VPS41: variants seen among roughly 807,000 people sequenced by gnomAD.
The protein encoded by VPS41 is VPS41 subunit of HOPS complex.
A neutral mutation model predicts 130.9 loss-of-function variants in VPS41; 85 were observed. That is an observed-to-expected ratio of 0.65 (90% confidence interval 0.55 to 0.78). The LOEUF (loss-of-function observed/expected upper bound fraction) is 0.78. Ranked by LOEUF, VPS41 falls within the 30% of genes least tolerant of loss-of-function variation. The pLI is 0.00. For missense variants in VPS41, 874 were observed against 1,018.7 expected, an observed-to-expected ratio of 0.86 and a Z score of 1.93; for synonymous variants, 335 against 332.9, an observed-to-expected ratio of 1.01 and a Z score of -0.07.
intron 4 of VPS41, chr7:38,831,451 T>G (rs1303943123): frequency 7.2e-6 from 2 of 279,516 alleles, no homozygotes. Context: ...ACATCATCAC[T>G]GCAGTAAGTT....
At chr7:38,886,334 A>T (rs1351017785) in intron 2 of VPS41, among the ~76,000 whole-genome samples, 2 of 152,202 alleles carry the variant, frequency 1.3e-5, no homozygotes, top group Non-Finnish European at 2.9e-5. Flanking sequence ...CAACCAGCAG[A>T]CCAGGAGATC....
intron 2 of VPS41, among the ~76,000 whole-genome samples, chr7:38,896,533 CTG>C (rs1786997440): frequency 6.6e-6 from 1 of 152,218 alleles, no homozygotes; most frequent in Non-Finnish European, 1.5e-5. Flanking sequence ...TCTTAAAACA[CTG>C]TTTGATTTTC....
Position 38,728,551 on chromosome 7 carries a change from G to A in VPS41, c.2395C>T (p.Leu799Phe), listed in dbSNP as rs774806564. ...NICESCLSPI[L>F]PSDAAKPFSV... ...GGGAAAACCTTCTTACCTGATGGAA[G>A]AATAGGGGAAAGGCACGACTCACAG... The change falls in exon 27 of 29, where the codon CTT becomes TTT. Residue 799 changes from leucine (L) to phenylalanine (F), a missense_variant. Leu to Phe is a conservative substitution (Grantham distance 22). Transcript: ENST00000310301. 6.2e-6 allele frequency: 10 copies of A among 1,614,014 alleles called. No homozygotes were observed. The East Asian group carries it at 1.8e-4, about 29-fold the overall frequency.
In VPS41 at chr7:38,742,013, AC is replaced by A; in HGVS notation, c.2230del (p.Val744LeufsTer22). 6.2e-7 allele frequency: 1 copy of A among 1,613,182 alleles called. No individual in the cohort carries two copies. The highest frequency in any genetic ancestry group is 8.5e-7 in the Non-Finnish European group (1 of 1,179,634). On this transcript the variant is annotated frameshift_variant, in exon 25 of 29. Transcript: ENST00000310301. LOFTEE classifies it high-confidence loss of function. ...CAAATTGTAGTCTTGCAGAATTTTA[AC>A]CAAGGAATCTCTCAAATTGGGGATC... ...MEIPNLRDSL[V>X]KILQDYNLQI... is the part of the protein sequence containing the mutation.
At chr7:38,768,254 T>C (rs1212941769) in intron 14 of VPS41, among the ~76,000 whole-genome samples, 1 of 152,194 alleles carries the variant, frequency 6.6e-6, no homozygotes, top group African/African-American at 2.4e-5. Flanking sequence ...AGCTCTTGCT[T>C]GATCTCCCCA....
chr7:38,771,975 T>G (rs1784161880), intron 13 of VPS41, among the ~76,000 whole-genome samples: 1 of 151,598 alleles, frequency 6.6e-6, no homozygotes, highest in Admixed American at 6.5e-5. Flanking sequence ...GTGGATGTTG[T>G]TTTAAATTAG....
chr7:38,747,685 T>C (rs1023370639), intron 22 of VPS41, among the ~76,000 whole-genome samples: 4 of 152,374 alleles, frequency 2.6e-5, no homozygotes, highest in South Asian at 4.1e-4. Context: ...TATGTGTCTA[T>C]TTAAGTTTAA....
chr7:38,816,916 T>C lies in VPS41; in HGVS notation c.450+901A>G, dbSNP rs536671607. 2.0e-5 allele frequency among the ~76,000 whole-genome samples: 3 copies of C among 152,196 alleles called. No homozygotes were observed. The South Asian group carries it at 6.2e-4, about 32-fold the overall frequency. On this transcript the variant is annotated intron_variant, in intron 7 of 28. Transcript: ENST00000310301. ...ATACCACCACACGCAGCTAATTTCT[T>C]CATTTTTTTGTAGAGTCGGTCTCAC...
At chr7:38,792,568 C>T (rs767036771) in intron 9 of VPS41, among the ~76,000 whole-genome samples, 5 of 152,206 alleles carry the variant, frequency 3.3e-5, no homozygotes, top group African/African-American at 4.8e-5. Flanking sequence ...AGCTGCATTA[C>T]ACTGACCTGA....
chr7:38,733,152 T>C (rs1795701455), intron 25 of VPS41, among the ~76,000 whole-genome samples: 1 of 152,226 alleles, frequency 6.6e-6, no homozygotes, highest in Admixed American at 6.5e-5. Context: ...AGGATAAAAC[T>C]TGTCTCTAAA....
chr7:38,790,926 T>C (rs1355646773), intron 9 of VPS41, among the ~76,000 whole-genome samples: 1 of 152,256 alleles, frequency 6.6e-6, no homozygotes, highest in Non-Finnish European at 1.5e-5. Flanking sequence ...GATAAATTCC[T>C]AGAAGTAGAA....
At chr7:38,876,901 T>C (rs867180558) in intron 2 of VPS41, among the ~76,000 whole-genome samples, 15 of 151,888 alleles carry the variant, frequency 9.9e-5, no homozygotes, top group Middle Eastern at 3.4e-3. Flanking sequence ...TAGTTTATAT[T>C]GGGAAAGCGA....
intron 5 of VPS41, among the ~76,000 whole-genome samples, chr7:38,826,362 C>G (rs1190435296): frequency 1.3e-5 from 2 of 152,126 alleles, no homozygotes; most frequent in African/African-American, 4.8e-5. Flanking sequence ...TTAAAAAAGT[C>G]CTGCAGAACA....
At chr7:38,755,379 C>T (rs917938533) in intron 19 of VPS41, among the ~76,000 whole-genome samples, 4 of 152,154 alleles carry the variant, frequency 2.6e-5, no homozygotes, top group Non-Finnish European at 5.9e-5. Flanking sequence ...ACAGAAGGAG[C>T]TGGTTTTATG....
At chr7:38,759,323 A>G (rs1407383358) in intron 17 of VPS41, among the ~76,000 whole-genome samples, 5 of 152,174 alleles carry the variant, frequency 3.3e-5, no homozygotes, top group African/African-American at 1.2e-4. Context: ...GTAGCGGAAA[A>G]ACCCAGATAT....
chr7:38,775,483 T>G (rs1343060919), intron 11 of VPS41: 1 of 152,192 alleles, frequency 6.6e-6, no homozygotes, highest in Non-Finnish European at 1.5e-5. Context: ...GCTTCTTTAT[T>G]TCTTCCAATC....
At chr7:38,732,991 C>G (rs1795697708) in intron 25 of VPS41, among the ~76,000 whole-genome samples, 1 of 152,170 alleles carries the variant, frequency 6.6e-6, no homozygotes, top group South Asian at 2.1e-4. Context: ...TCACGCCCAG[C>G]TAATTTATGT....
chr7:38,824,238 T>A (rs995195721), intron 5 of VPS41, among the ~76,000 whole-genome samples: 1 of 152,224 alleles, frequency 6.6e-6, no homozygotes, highest in African/African-American at 2.4e-5. Context: ...CTTACATCCC[T>A]AAATGTGTCA....
At chr7:38,742,930 C>T (rs1485997079) in intron 24 of VPS41, among the ~76,000 whole-genome samples, 2 of 151,968 alleles carry the variant, frequency 1.3e-5, no homozygotes, top group South Asian at 4.2e-4. Context: ...GGGTGTTGTA[C>T]TGATAAAAAT....
Sources: gnomAD v4.1 joint callset for allele counts (sites outside exome capture counted in the v4.1 genomes callset) on GRCh38, gnomAD v4.1.1 for gene constraint, MANE v1.5 for transcripts, NCBI Gene and HGNC (gene_info 2026-07-23, HGNC 2026-07-21) for gene names.